PTPRR: variants seen among roughly 807,000 people sequenced by gnomAD.
PTPRR encodes the protein receptor-type tyrosine-protein phosphatase R.
In PTPRR, 38 loss-of-function variants were observed where a neutral mutation model predicts 77.2. The observed-to-expected ratio is 0.49, with a 90% CI of 0.38 to 0.65. The LOEUF is 0.65. Ranked by LOEUF, PTPRR falls within the 30% of genes least tolerant of loss-of-function variation. The pLI, the probability that PTPRR is intolerant of heterozygous loss-of-function variation, is 0.00. For synonymous variants in PTPRR, 299 were observed against 283.1 expected, an observed-to-expected ratio of 1.06 and a Z score of -0.57; for missense variants, 744 against 799.2, an observed-to-expected ratio of 0.93 and a Z score of 0.83.
chr12:70,905,844 C>CA (rs1893613694), intron 1 of PTPRR, among the ~76,000 whole-genome samples: 1 of 151,516 alleles, frequency 6.6e-6, no homozygotes, highest in Non-Finnish European at 1.5e-5. Context: ...AGTGAACAAT[C>CA]AAAAAAAGGC....
chr12:70,759,956 A>G (rs1366661533), intron 4 of PTPRR, among the ~76,000 whole-genome samples: 1 of 152,180 alleles, frequency 6.6e-6, no homozygotes, highest in African/African-American at 2.4e-5. Flanking sequence ...TTATGTTGAG[A>G]AAGATTACTT....
At chr12:70,687,980 C>T (rs777333775) in intron 8 of PTPRR, among the ~76,000 whole-genome samples, 5 of 152,170 alleles carry the variant, frequency 3.3e-5, no homozygotes, top group Non-Finnish European at 7.3e-5. Flanking sequence ...AAAAGCACTT[C>T]ATTTTCCCCC....
intron 2 of PTPRR, among the ~76,000 whole-genome samples, chr12:70,779,488 G>C (rs1434306161): frequency 6.6e-6 from 1 of 152,122 alleles, no homozygotes; most frequent in African/African-American, 2.4e-5. Flanking sequence ...CTTCCTCAGA[G>C]AGGCCTTCCC....
At chr12:70,887,892 A>G (rs1287727259) in intron 2 of PTPRR, among the ~76,000 whole-genome samples, 12 of 152,174 alleles carry the variant, frequency 7.9e-5, no homozygotes. Context: ...TCCTAGAACT[A>G]TGGAATCAGA....
chr12:70,912,854 A>G (rs1893719798), intron 1 of PTPRR, among the ~76,000 whole-genome samples: 3 of 152,114 alleles, frequency 2.0e-5, no homozygotes, highest in Admixed American at 2.0e-4. Flanking sequence ...TTACATCTTT[A>G]TTTTTCGAAA....
At chr12:70,863,954 A>T (rs1185719827) in intron 2 of PTPRR, among the ~76,000 whole-genome samples, 1 of 152,178 alleles carries the variant, frequency 6.6e-6, no homozygotes, top group Non-Finnish European at 1.5e-5. Flanking sequence ...TCCTGGGTTA[A>T]GGCAATGTTC....
At chr12:70,870,649 G>C (rs549871543) in intron 2 of PTPRR, among the ~76,000 whole-genome samples, 1 of 152,250 alleles carries the variant, frequency 6.6e-6, no homozygotes, top group South Asian at 2.1e-4. Flanking sequence ...AAGAATGAGA[G>C]GCTTCTCAAA....
rs377260744 is a variant in PTPRR, at chr12:70,660,932, C to T, written c.1766+8G>A. The T allele has an allele frequency of 7.3e-5, 117 of 1,609,962 alleles. 1 individual carries two copies. Among genetic ancestry groups the T allele is most frequent in the Admixed American group, 1.5e-4 (9 of 59,552 alleles). On this transcript the variant is annotated splice_region_variant and intron_variant, in intron 12 of 13. Coordinates refer to ENST00000283228, the MANE Select transcript of PTPRR (RefSeq NM_002849.4). ...TTGCTTAGACAGAAAGGACCATACA[C>T]GTCTTACCTGCAGTGGACAACCACA...
At chr12:70,898,034 G>A (rs1050539937) in intron 1 of PTPRR, among the ~76,000 whole-genome samples, 5 of 151,318 alleles carry the variant, frequency 3.3e-5, no homozygotes, top group Admixed American at 3.3e-4. Context: ...GATAACATTA[G>A]GAGATATACC....
chr12:70,851,628 T>C (rs1237619865), intron 2 of PTPRR, among the ~76,000 whole-genome samples: 1 of 152,188 alleles, frequency 6.6e-6, no homozygotes, highest in Admixed American at 6.5e-5. Context: ...ATAAGGCATT[T>C]ATGAAAATGA....
intron 8 of PTPRR, among the ~76,000 whole-genome samples, chr12:70,697,817 A>G (rs769819960): frequency 5.1e-4 from 78 of 151,660 alleles, no homozygotes; most frequent in Non-Finnish European, 1.0e-3. Flanking sequence ...GAATTGTTTG[A>G]CCCTTGACAA....
chr12:70,853,826 T>C (rs1264282564), intron 2 of PTPRR, among the ~76,000 whole-genome samples: 2 of 152,198 alleles, frequency 1.3e-5, no homozygotes, highest in Non-Finnish European at 2.9e-5. Flanking sequence ...TGAAAAAACT[T>C]ACTATAGATC....
chr12:70,876,884 G>A (rs181055825), intron 2 of PTPRR, among the ~76,000 whole-genome samples: 287 of 152,300 alleles, frequency 1.9e-3, no homozygotes, highest in Non-Finnish European at 2.4e-3. Context: ...GATAAGAGGT[G>A]AACATATGGC....
intron 4 of PTPRR, among the ~76,000 whole-genome samples, chr12:70,759,059 C>T (rs1390269828): frequency 1.3e-5 from 2 of 152,074 alleles, no homozygotes; most frequent in Non-Finnish European, 2.9e-5. Context: ...CTCAGCCTCC[C>T]AAGTAGCTGG....
At chr12:70,703,335 T>C (rs1296194029) in intron 6 of PTPRR, among the ~76,000 whole-genome samples, 1 of 152,186 alleles carries the variant, frequency 6.6e-6, no homozygotes, top group African/African-American at 2.4e-5. Context: ...TTAACTCTTT[T>C]GGATCACTGG....
intron 10 of PTPRR, among the ~76,000 whole-genome samples, chr12:70,680,703 A>G (rs1261249717): frequency 6.6e-6 from 1 of 152,100 alleles, no homozygotes; most frequent in African/African-American, 2.4e-5. Flanking sequence ...CTCTGGGGGC[A>G]GTGTACTTGG....
At chr12:70,660,409 CT>C (rs1251613597) in intron 12 of PTPRR, among the ~76,000 whole-genome samples, 4 of 152,078 alleles carry the variant, frequency 2.6e-5, no homozygotes, top group African/African-American at 9.7e-5. Context: ...CTTTGTTTTC[CT>C]TTGGTGACTT....
intron 4 of PTPRR, 91 bp downstream of exon 4, chr12:70,761,380 C>T: frequency 8.3e-7 from 1 of 1,201,178 alleles, no homozygotes; most frequent in Non-Finnish European, 1.1e-6. Context: ...ATACAATAAA[C>T]AACTTCCATC....
At chr12:70,715,082 T>C (rs1197662862) in intron 6 of PTPRR, among the ~76,000 whole-genome samples, 1 of 152,100 alleles carries the variant, frequency 6.6e-6, no homozygotes, top group East Asian at 1.9e-4. Context: ...GATAGTCATG[T>C]AGGTTCTTTT....
Sources: gnomAD v4.1 joint callset for allele counts (sites outside exome capture counted in the v4.1 genomes callset) on GRCh38, gnomAD v4.1.1 for gene constraint, MANE v1.5 for transcripts, NCBI Gene and HGNC (gene_info 2026-07-23, HGNC 2026-07-21) for gene names.